Variants in ICA1L observed in about 807,000 individuals in gnomAD.
The protein encoded by ICA1L is islet cell autoantigen 1-like protein.
A neutral mutation model predicts 61.3 loss-of-function variants in ICA1L; 50 were observed. That is an observed-to-expected ratio of 0.82 (90% confidence interval 0.65 to 1.03). The LOEUF is 1.03. Among genes scored for constraint, ICA1L ranks in the 50% least tolerant of loss-of-function variants. The pLI is 0.00. For missense variants in ICA1L, 508 were observed against 556.7 expected (o/e 0.91, Z 0.88); for synonymous variants, 161 against 191.3 (o/e 0.84, Z 1.31).
intron 12 of ICA1L, among the ~76,000 whole-genome samples, chr2:202,781,346 G>GCAGAT (rs2105814355): frequency 6.6e-6 from 1 of 152,120 alleles, no homozygotes; most frequent in Non-Finnish European, 1.5e-5. Context: ...GCTGAGGTGT[G>GCAGAT]CAGATCACCT....
At chr2:202,846,256 C>T (rs186491024) in intron 1 of ICA1L, among the ~76,000 whole-genome samples, 6 of 147,988 alleles carry the variant, frequency 4.1e-5, no homozygotes, top group Admixed American at 1.4e-4. Flanking sequence ...TTCTTTCTTT[C>T]TTTTTTTTTT....
intron 9 of ICA1L, among the ~76,000 whole-genome samples, chr2:202,810,152 T>C (rs528744729): frequency 1.3e-5 from 2 of 152,228 alleles, no homozygotes; most frequent in Non-Finnish European, 2.9e-5. Flanking sequence ...CAGTAGACTT[T>C]TCAGTGGAAA....
chr2:202,792,434 C>A (rs1385155730), intron 10 of ICA1L, among the ~76,000 whole-genome samples: 2 of 152,100 alleles, frequency 1.3e-5, no homozygotes, highest in Non-Finnish European at 2.9e-5. Flanking sequence ...TTATAAACAA[C>A]CCAAATGTCC....
At chr2:202,837,002 C>T (rs894487181) in intron 1 of ICA1L, among the ~76,000 whole-genome samples, 1 of 151,730 alleles carries the variant, frequency 6.6e-6, no homozygotes, top group African/African-American at 2.4e-5. Context: ...CCACCAAGCC[C>T]AGGTAATTTT....
chr2:202,831,024 T>A (rs966075871), intron 1 of ICA1L, among the ~76,000 whole-genome samples: 1 of 151,928 alleles, frequency 6.6e-6, no homozygotes, highest in Non-Finnish European at 1.5e-5. Flanking sequence ...ACCAGGTAAA[T>A]AGAAGCAAAA....
chr2:202,867,247 A>G (rs908270652), intron 1 of ICA1L, among the ~76,000 whole-genome samples: 2 of 152,208 alleles, frequency 1.3e-5, no homozygotes, highest in African/African-American at 4.8e-5. Flanking sequence ...CTAACAAAAG[A>G]TATTCATATA....
At chr2:202,783,080 A>C (rs1692461763) in intron 12 of ICA1L, among the ~76,000 whole-genome samples, 1 of 152,206 alleles carries the variant, frequency 6.6e-6, no homozygotes, top group Non-Finnish European at 1.5e-5. Flanking sequence ...TCAATGAATA[A>C]GTAAATAAGT....
At position 202,774,186 on chromosome 2, in the gene ICA1L, A is replaced by T. The variant is rs1385053820; in HGVS notation, c.*5347T>A. 2.9e-5 allele frequency: 45 copies of T among 1,550,670 alleles called. No homozygotes were observed. Among genetic ancestry groups the T allele is most frequent in the Non-Finnish European group, 3.6e-5 (41 of 1,146,376 alleles). ...CTGAGCGGCTTCTTGGAGAGCGGGCACACCAGGAACTCCAGCAGCGCCGGA... is the reference window on the plus strand; with the variant it reads ...CTGAGCGGCTTCTTGGAGAGCGGGCTCACCAGGAACTCCAGCAGCGCCGGA... On this transcript the variant is annotated 3_prime_UTR_variant, in exon 13 of 13. Transcript: ENST00000358299.
At chr2:202,783,062 C>T (rs1421623154) in intron 12 of ICA1L, among the ~76,000 whole-genome samples, 1 of 152,030 alleles carries the variant, frequency 6.6e-6, no homozygotes, top group Admixed American at 6.6e-5. Context: ...CAGGAGTCCA[C>T]ACTGATATCA....
chr2:202,783,424 T>C (rs1692474708), intron 12 of ICA1L, among the ~76,000 whole-genome samples: 1 of 152,194 alleles, frequency 6.6e-6, no homozygotes, highest in Non-Finnish European at 1.5e-5. Context: ...CACCCCCTGA[T>C]AGGATTTACT....
intron 1 of ICA1L, among the ~76,000 whole-genome samples, chr2:202,834,569 A>C (rs556275929): frequency 6.6e-6 from 1 of 152,308 alleles, no homozygotes; most frequent in Non-Finnish European, 1.5e-5. Flanking sequence ...TGGAGGTTGC[A>C]GAGAGCCAGG....
rs146037397 is a variant in ICA1L at position 202,831,622 on chromosome 2, C to T, written c.-7-2606G>A. 1.3e-3 allele frequency among the ~76,000 whole-genome samples: 191 copies of T among 152,276 alleles called. 1 individual carries two copies. In the South Asian group the frequency reaches 0.017, roughly 14 times the overall value. Reference sequence around the variant, plus strand: ...AAACAATATACTCCTGTCCTCGCAACCACTCTCTCCATATCTCTTTGGGAG... The same window carrying T: ...AAACAATATACTCCTGTCCTCGCAATCACTCTCTCCATATCTCTTTGGGAG... On this transcript the variant is annotated intron_variant, in intron 1 of 12. Transcript: ENST00000358299.
At chr2:202,821,323 C>T in intron 4 of ICA1L, 35 bp downstream of exon 4, 2 of 1,599,116 alleles carry the variant, frequency 1.3e-6, no homozygotes, top group Non-Finnish European at 1.7e-6. Context: ...GTCAGATTGA[C>T]TACAGATTCA....
At chr2:202,801,924 A>G (rs561942461) in intron 9 of ICA1L, among the ~76,000 whole-genome samples, 12 of 152,358 alleles carry the variant, frequency 7.9e-5, no homozygotes, top group Non-Finnish European at 1.2e-4. Flanking sequence ...CTAGGCCTCT[A>G]GGAGTCCCAC....
At chr2:202,811,534 C>T (rs1693378244) in intron 9 of ICA1L, among the ~76,000 whole-genome samples, 1 of 151,636 alleles carries the variant, frequency 6.6e-6, no homozygotes, top group Admixed American at 6.6e-5. Context: ...TGGTGGCAGG[C>T]ACCTGTAGTC....
Position 202,773,617 on chromosome 2 carries a change from G to A in ICA1L, c.*5916C>T. On this transcript the variant is annotated 3_prime_UTR_variant, in exon 13 of 13. Transcript: ENST00000358299. ...CAGTCCTAAGCCTGATATGCTCAAA[G>A]CAAAGCCTCTTTCCCACAAACTAAA... The A allele has an allele frequency of 1.6e-6, 1 of 614,514 alleles. No individual in the cohort carries two copies. 38.1% of individuals were successfully genotyped at this position (614,514 alleles called of 1,614,324 possible).
rs1027150979 is a variant in ICA1L, at chr2:202,779,434, G to A, written c.*99C>T. 18 of 664,058 alleles carry A rather than the reference G, an allele frequency of 2.7e-5. No homozygotes were observed. Among genetic ancestry groups the A allele is most frequent in the Non-Finnish European group, 4.1e-5 (16 of 389,936 alleles). 41.1% of individuals were successfully genotyped at this position (664,058 alleles called of 1,614,324 possible). ...GACAGGTGTTATATTCACAAACACC[G>A]TGCTTTTGTGTGCGGGTTACAATCT... On this transcript the variant is annotated 3_prime_UTR_variant, in exon 13 of 13. Transcript: ENST00000358299.
At chr2:202,851,471 T>A (rs1694618261) in intron 1 of ICA1L, among the ~76,000 whole-genome samples, 1 of 152,204 alleles carries the variant, frequency 6.6e-6, no homozygotes, top group Non-Finnish European at 1.5e-5. Context: ...ACAATAAACA[T>A]ACGTGTGCAT....
rs1693934363 is a variant in ICA1L, at chr2:202,829,013, G to A, written c.-4C>T. On this transcript the variant is annotated 5_prime_UTR_variant, in exon 2 of 13. Coordinates refer to ENST00000358299, the MANE Select transcript of ICA1L (RefSeq NM_001288622.3). ...TGGGTTGCCCAAAGGAATCCATGGA[G>A]TGACTACAATGAACAGACTAAAATT... 1.3e-6 allele frequency: 2 copies of A among 1,565,140 alleles called. No homozygotes were observed. The highest frequency in any genetic ancestry group is 2.5e-5 in the South Asian group (2 of 81,462).
Sources: gnomAD v4.1 joint callset for allele counts (sites outside exome capture counted in the v4.1 genomes callset) on GRCh38, gnomAD v4.1.1 for gene constraint, MANE v1.5 for transcripts, NCBI Gene and HGNC (gene_info 2026-07-23, HGNC 2026-07-21) for gene names.